The following IRGQ variants were observed in gnomAD, a reference collection of about 807,000 sequenced individuals.
The protein encoded by IRGQ is immunity related GTPase Q, also known as immunity-related GTPase family Q protein.
A neutral mutation model predicts 10.5 loss-of-function variants in IRGQ; 5 were observed. The ratio of observed to expected loss-of-function variants is 0.48; its 90% CI spans 0.25 to 1.00. The LOEUF (loss-of-function observed/expected upper bound fraction) is 1.00, where lower values mean the gene tolerates loss of function less well. IRGQ is among the 50% of genes least tolerant of loss of function. IRGQ has a pLI of 0.16. For synonymous variants in IRGQ, 418 were observed against 426.0 expected, an observed-to-expected ratio of 0.98 and a Z score of 0.23; for missense variants, 792 against 877.7, an observed-to-expected ratio of 0.90 and a Z score of 1.23.
At chr19:43,594,583 T>C (rs1426975077) in intron 2 of IRGQ, among the ~76,000 whole-genome samples, 1 of 151,632 alleles carries the variant, frequency 6.6e-6, no homozygotes, top group South Asian at 2.1e-4. Context: ...CCTGTAATCC[T>C]AGCACTTTGG....
In IRGQ at chr19:43,592,643, C is replaced by G; in HGVS notation, c.1255G>C (p.Glu419Gln). ...GCCTCCTCCAGCACCTCCCACGTCT[C>G]GTCCTCCGGGCTTAACGCAGCGGCC... is the stretch of plus-strand genomic sequence containing the variant. ...ERAAALSPED[E>Q]TWEVLEEAPP... Residue 419 changes from glutamate to glutamine, a missense_variant, in exon 3 of 3, where the codon GAG becomes CAG. Physicochemically the swap from Glu to Gln is conservative, Grantham distance 29 (BLOSUM62 2). Coordinates refer to ENST00000422989, the MANE Select transcript of IRGQ (RefSeq NM_001007561.3). 1.2e-6 allele frequency: 2 copies of G among 1,604,298 alleles called. No individual in the cohort carries two copies. The highest frequency in any genetic ancestry group is 1.7e-6 in the Non-Finnish European group (2 of 1,179,950).
In IRGQ at chr19:43,596,004, G is replaced by A. The variant is rs80328768; in HGVS notation, c.-25C>T. ...AACCGAGCAAAAAGCCGACCCACGG[G>A]AGAGAGCGCAGTCGGTGGCAGTAGG... On this transcript the variant is annotated 5_prime_UTR_variant, in exon 1 of 3. Coordinates refer to ENST00000422989, the MANE Select transcript of IRGQ (RefSeq NM_001007561.3). 1 of 152,370 alleles carries A rather than the reference G, an allele frequency of 6.6e-6. No homozygotes were observed. The highest frequency in any genetic ancestry group is 2.1e-4 in the South Asian group (1 of 4,826). 9.4% of individuals were successfully genotyped at this position (152,370 alleles called of 1,614,324 possible). A position where few individuals can be genotyped will look rare whatever the true frequency, so the allele number is the denominator to read the frequency against.
chr19:43,594,843 C>T lies in IRGQ; in HGVS notation c.496G>A (p.Ala166Thr). The change falls in exon 2 of 3, where the codon GCG becomes ACG. Residue 166 changes from alanine to threonine, a missense_variant. Coordinates refer to ENST00000422989, the MANE Select transcript of IRGQ (RefSeq NM_001007561.3). ...DGCEELERLR[A>T]ALQSQAEALR... is the part of the protein sequence containing the mutation. ...GCTTCTGCCTGGCTCTGCAGCGCCG[C>T]CCGGAGGCGCTCTAGCTCCTCGCAG... 6.2e-7 allele frequency: 1 copy of T among 1,612,556 alleles called. No homozygotes were observed.
chr19:43,595,227 G>C lies in IRGQ; in HGVS notation c.112C>G (p.Pro38Ala). 6.2e-7 allele frequency: 1 copy of C among 1,612,624 alleles called. No individual in the cohort carries two copies. The highest frequency in any genetic ancestry group is 8.5e-7 in the Non-Finnish European group (1 of 1,179,800). The change falls in exon 2 of 3, where the codon CCC (proline) becomes GCC (alanine). Residue 38 changes from proline to alanine, a missense_variant. By Grantham distance (27) the Pro-to-Ala change is conservative (BLOSUM62 -1). Transcript: ENST00000422989. ...CDKDVETLEA[P>A]EGRPDSGVPS... ...ACCCCGGAGTCCGGCCGTCCCTCGG[G>C]GGCCTCGAGCGTCTCCACATCCTTG...
Position 43,593,446 on chromosome 19 carries a change from G to A in IRGQ, c.531-79C>T. On this transcript the variant is annotated intron_variant, in intron 2 of 2. Transcript: ENST00000422989. The surrounding 1 kb of genome is among the most constrained non-coding windows in gnomAD (Gnocchi z 6.4). ...GGACTGGGCTATGATGACAAGGGCA[G>A]AGCTTTCCTAATGATCCCAGAATGG... 2 of 1,383,016 alleles carry A rather than the reference G, an allele frequency of 1.4e-6. No individual in the cohort carries two copies. Among genetic ancestry groups the A allele is most frequent in the South Asian group, 3.6e-5 (2 of 55,150 alleles). 85.7% of individuals were successfully genotyped at this position (1,383,016 alleles called of 1,614,324 possible).
rs1255989870 is a variant in IRGQ, at chr19:43,590,559, A to G, written c.*1467T>C. On this transcript the variant is annotated 3_prime_UTR_variant, in exon 3 of 3. Transcript: ENST00000422989. ...ACCCATTTGGTGGGCCCCTGGCTCAATGCAGCACCCTCTATGTACATCAGA... is the reference window on the plus strand; with the variant it reads ...ACCCATTTGGTGGGCCCCTGGCTCAGTGCAGCACCCTCTATGTACATCAGA... 3.3e-5 allele frequency: 5 copies of G among 152,250 alleles called. No homozygotes were observed. The highest frequency in any genetic ancestry group is 1.9e-4 in the East Asian group (1 of 5,190). The allele number at this position is 152,250 out of a possible 1,614,324, so 9.4% of individuals were successfully genotyped here.
chr19:43,591,820 C>T lies in IRGQ; in HGVS notation c.*206G>A. The T allele has an allele frequency of 2.0e-6, 1 of 497,578 alleles. No homozygotes were observed. The highest frequency in any genetic ancestry group is 3.4e-6 in the Non-Finnish European group (1 of 294,386). The allele number at this position is 497,578 out of a possible 1,614,324, so 30.8% of individuals were successfully genotyped here. The stretch of plus-strand genomic sequence containing the variant: ...CCGAGGTCGCGCCATTGCACTCCAG[C>T]CTGGGCAACAAGAGACTTCGTCTCA... On this transcript the variant is annotated 3_prime_UTR_variant, in exon 3 of 3. Transcript: ENST00000422989.
chr19:43,592,074 C>T lies in IRGQ; in HGVS notation c.1824G>A (p.Met608Ile), dbSNP rs1322675508. The T allele has an allele frequency of 8.1e-6, 13 of 1,612,418 alleles. No individual in the cohort carries two copies. Among genetic ancestry groups the T allele is most frequent in the East Asian group, 4.5e-5 (2 of 44,850 alleles). ...CCAGCACAGCCTCAGCATCAGCCCG[C>T]ATCTCATCGAGAGCCTGCAGCAGGA... Reference protein sequence around the residue: ...HGVLLQALDEMRADAEAVLAP... With the variant: ...HGVLLQALDEIRADAEAVLAP... Residue 608 changes from methionine to isoleucine, a missense_variant, in exon 3 of 3, where the codon ATG becomes ATA. By Grantham distance (10) the Met-to-Ile change is conservative. Transcript: ENST00000422989.
In IRGQ at chr19:43,587,181, T is replaced by G. The variant is rs1048672900; in HGVS notation, c.*4845A>C. The stretch of plus-strand genomic sequence containing the variant: ...CCCGTCTCTGAGAAAAATACCAAAA[T>G]TAGCCAGGCATGGTGGCATACACCT... On this transcript the variant is annotated 3_prime_UTR_variant, in exon 3 of 3. Coordinates refer to ENST00000422989, the MANE Select transcript of IRGQ (RefSeq NM_001007561.3). 6.6e-6 allele frequency: 1 copy of G among 151,966 alleles called. No individual in the cohort carries two copies. Among genetic ancestry groups the G allele is most frequent in the Non-Finnish European group, 1.5e-5 (1 of 68,016 alleles). 9.4% of individuals were successfully genotyped at this position (151,966 alleles called of 1,614,324 possible).
In IRGQ at chr19:43,592,604, A is replaced by G. The variant is rs748552507; in HGVS notation, c.1294T>C (p.Phe432Leu). The G allele has an allele frequency of 1.1e-5, 18 of 1,601,078 alleles. No homozygotes were observed. Among genetic ancestry groups the G allele is most frequent in the Non-Finnish European group, 1.4e-5 (17 of 1,179,862 alleles). Residue 432 changes from phenylalanine (F) to leucine (L), a missense_variant, in exon 3 of 3, where the codon TTC becomes CTC. Transcript: ENST00000422989. Reference sequence around the variant, plus strand: ...GGGAGTCCGCCAGGCCGTAGGGGGAACACTGGCGGCGGCGCCTCCTCCAGC... The same window carrying G: ...GGGAGTCCGCCAGGCCGTAGGGGGAGCACTGGCGGCGGCGCCTCCTCCAGC... ...EVLEEAPPPV[F>L]PLRPGGLPGL...
At chr19:43,594,659 C>T (rs1023757093) in intron 2 of IRGQ, 150 bp downstream of exon 2, 7 of 574,048 alleles carry the variant, frequency 1.2e-5, no homozygotes, top group Non-Finnish European at 2.0e-5. Context: ...CATAGCGAGA[C>T]CCTGTCTCTC....
rs1342057528 is a variant in IRGQ, at chr19:43,588,231, A to T, written c.*3795T>A. 6.6e-6 allele frequency: 1 copy of T among 152,050 alleles called. No individual in the cohort carries two copies. The highest frequency in any genetic ancestry group is 1.5e-5 in the Non-Finnish European group (1 of 68,044). The allele number at this position is 152,050 out of a possible 1,614,324, so 9.4% of individuals were successfully genotyped here. Reference sequence around the variant, plus strand: ...TGGATCACCTGAGGTCAGGAGTTCAAGACCAGCCTGGCCAACACAGTGAAA... The same window carrying T: ...TGGATCACCTGAGGTCAGGAGTTCATGACCAGCCTGGCCAACACAGTGAAA... On this transcript the variant is annotated 3_prime_UTR_variant, in exon 3 of 3. Transcript: ENST00000422989.
Position 43,592,059 on chromosome 19 carries a change from CTCAGCA to C in IRGQ, c.1833_1838del (p.Asp611_Ala612del). The C allele has an allele frequency of 6.2e-7, 1 of 1,610,498 alleles. No individual in the cohort carries two copies. Among genetic ancestry groups the C allele is most frequent in the South Asian group, 1.1e-5 (1 of 90,848 alleles). ...CAGGCTCAGGGGGTGCCAGCACAGC[CTCAGCA>C]TCAGCCCGCATCTCATCGAGAGCCT... On this transcript the variant is annotated inframe_deletion, in exon 3 of 3. Transcript: ENST00000422989.
In IRGQ at chr19:43,588,798, C is replaced by G. The variant is rs1443859468; in HGVS notation, c.*3228G>C. 6.6e-6 allele frequency: 1 copy of G among 152,288 alleles called. No individual in the cohort carries two copies. Among genetic ancestry groups the G allele is most frequent in the Non-Finnish European group, 1.5e-5 (1 of 68,052 alleles). The allele number at this position is 152,288 out of a possible 1,614,324, so 9.4% of individuals were successfully genotyped here. ...AGTGCTGCCCTGCAGCCCTCCCATT[C>G]CATCACGTGGCTGACATGCCTGATT... On this transcript the variant is annotated 3_prime_UTR_variant, in exon 3 of 3. Transcript: ENST00000422989.
At chr19:43,594,661 CT>C (rs1410824640) in intron 2 of IRGQ, 147 bp downstream of exon 2, 1 of 584,412 alleles carries the variant, frequency 1.7e-6, no homozygotes, top group Non-Finnish European at 2.8e-6. Flanking sequence ...TAGCGAGACC[CT>C]GTCTCTCAGG....
Position 43,594,829 on chromosome 19 carries a change from G to C in IRGQ, c.510C>G (p.Ser170Arg), listed in dbSNP as rs1973110664. The C allele has an allele frequency of 6.2e-7, 1 of 1,610,542 alleles. No individual in the cohort carries two copies. The highest frequency in any genetic ancestry group is 8.5e-7 in the Non-Finnish European group (1 of 1,178,500). ...CTCACCTCCGCAGCGCTTCTGCCTG[G>C]CTCTGCAGCGCCGCCCGGAGGCGCT... ...ELERLRAALQ[S>R]QAEALRRLLP... Residue 170 changes from serine (S) to arginine (R), a missense_variant, in exon 2 of 3, where the codon AGC (serine) becomes AGG (arginine). By Grantham distance (110) the Ser-to-Arg change is moderately radical. Coordinates refer to ENST00000422989, the MANE Select transcript of IRGQ (RefSeq NM_001007561.3).
At position 43,593,608 on chromosome 19, in the gene IRGQ, GT is replaced by G; in HGVS notation, c.531-242del. ...ATTGGACGGGTGGACATAAGGTCAG[GT>G]TTCCCACCCCAGCCTAAAATGGGGA... On this transcript the variant is annotated intron_variant, in intron 2 of 2. Coordinates refer to ENST00000422989, the MANE Select transcript of IRGQ (RefSeq NM_001007561.3). This position sits in a 1 kb window ranked among gnomAD's most constrained non-coding sequence, Gnocchi z 6.4. Among the ~76,000 whole-genome samples the G allele has an allele frequency of 6.6e-6, 1 of 152,268 alleles. No homozygotes were observed. Among genetic ancestry groups the G allele is most frequent in the Non-Finnish European group, 1.5e-5 (1 of 68,032 alleles).
rs1568527505 is a variant in IRGQ at position 43,592,416 on chromosome 19, C to CGCCGCCGCCGCCA, written c.1469_1481dup (p.Ala495GlyfsTer41). On this transcript the variant is annotated frameshift_variant, in exon 3 of 3. Coordinates refer to ENST00000422989, the MANE Select transcript of IRGQ (RefSeq NM_001007561.3). LOFTEE classifies it high-confidence loss of function. ...CCCAGCCCAGCCCTGGGAGTGGTGCCGCCGCCGCCGCCAGACTAGCCAGCA... is the reference window on the plus strand; with the variant it reads ...CCCAGCCCAGCCCTGGGAGTGGTGCCGCCGCCGCCGCCAGCCGCCGCCGCCAGACTAGCCAGCA... The CGCCGCCGCCGCCA allele has an allele frequency of 6.4e-7, 1 of 1,568,428 alleles. No homozygotes were observed. Among genetic ancestry groups the CGCCGCCGCCGCCA allele is most frequent in the Non-Finnish European group, 8.6e-7 (1 of 1,164,696 alleles).
chr19:43,594,244 G>C (rs931908088), intron 2 of IRGQ, among the ~76,000 whole-genome samples: 9 of 152,192 alleles, frequency 5.9e-5, no homozygotes, highest in African/African-American at 2.2e-4. Context: ...CAAGGAGGGT[G>C]GATCACCTTG....
Sources: allele counts gnomAD v4.1 joint callset (sites outside exome capture counted in the v4.1 genomes callset), GRCh38; gene constraint gnomAD v4.1.1; non-coding constraint Gnocchi (gnomAD v3.1); transcripts MANE v1.5; gene names NCBI Gene and HGNC (gene_info 2026-07-23, HGNC 2026-07-21).